DHRSX: variants seen among roughly 807,000 people sequenced by gnomAD.
The protein encoded by DHRSX is dehydrogenase/reductase X-linked.
In DHRSX, 31 loss-of-function variants were observed where a neutral mutation model predicts 34.0. The observed-to-expected ratio is 0.91, with a 90% CI of 0.69 to 1.23. The LOEUF (loss-of-function observed/expected upper bound fraction) is 1.23. Among genes scored for constraint, DHRSX ranks in the 50% most tolerant of loss-of-function variants. The pLI, the probability that DHRSX is intolerant of heterozygous loss-of-function variation, is 0.00. For missense variants in DHRSX, 414 were observed against 428.1 expected (o/e 0.97, Z 0.29); for synonymous variants, 201 against 183.8 (o/e 1.09, Z -0.76).
intron 3 of DHRSX, among the ~76,000 whole-genome samples, chrX:2,359,905 C>T (rs1256790557): frequency 1.3e-5 from 2 of 151,770 alleles, no homozygotes; most frequent in African/African-American, 2.4e-5. Flanking sequence ...AGGGGAATAG[C>T]ATTCATTGAG....
chrX:2,462,836 T>A (rs1266596292), intron 1 of DHRSX, among the ~76,000 whole-genome samples: 6 of 152,100 alleles, frequency 3.9e-5, no homozygotes, highest in African/African-American at 1.4e-4. Context: ...TATTACTGCA[T>A]TTTTTTAAAG....
Position 2,331,436 on chromosome X carries a change from GTTTTTTTTTTT to G in DHRSX, c.287-39844_287-39834del, listed in dbSNP as rs1159991841. 3.5e-4 allele frequency among the ~76,000 whole-genome samples: 33 copies of G among 94,656 alleles called. 1 individual carries two copies. The highest frequency in any genetic ancestry group is 1.1e-3 in the Admixed American group (8 of 7,098). 62.1% of individuals were successfully genotyped at this position (94,656 alleles called of 152,430 possible). On this transcript the variant is annotated intron_variant, in intron 3 of 6. Coordinates refer to ENST00000334651, the MANE Select transcript of DHRSX (RefSeq NM_145177.3). ...GGAATCCTTTCAGGAAGGTTTTTTG[GTTTTTTTTTTT>G]TTTTTTTTTTTTTTTTTGAGACGGA... is the stretch of plus-strand genomic sequence containing the variant.
At chrX:2,346,100 T>C (rs2042706673) in intron 3 of DHRSX, among the ~76,000 whole-genome samples, 1 of 152,168 alleles carries the variant, frequency 6.6e-6, no homozygotes, top group Non-Finnish European at 1.5e-5. Context: ...GAAAGCTCTT[T>C]GCCTCCTTGT....
intron 3 of DHRSX, among the ~76,000 whole-genome samples, chrX:2,304,065 G>GGATGGATGGATGGATGGA: frequency 1.7e-5 from 1 of 59,168 alleles, no homozygotes; most frequent in Non-Finnish European, 3.8e-5. Context: ...GGATGGATGG[G>GGATGGATGGATGGATGGA]TGGATGGATG....
intron 2 of DHRSX, among the ~76,000 whole-genome samples, chrX:2,418,939 C>T (rs2043734079): frequency 6.6e-6 from 1 of 152,070 alleles, no homozygotes; most frequent in African/African-American, 2.4e-5. Flanking sequence ...TGCCCTACAT[C>T]TTGTCTCTAA....
chrX:2,401,107 GCTT>G (rs891893079), intron 3 of DHRSX, among the ~76,000 whole-genome samples: 1 of 101,172 alleles, frequency 9.9e-6, no homozygotes, highest in African/African-American at 4.4e-5. Flanking sequence ...TATTTGGGAA[GCTT>G]TTTTTTTTTT....
intron 1 of DHRSX, among the ~76,000 whole-genome samples, chrX:2,466,215 G>C (rs1272829821): frequency 6.6e-6 from 1 of 151,600 alleles, no homozygotes; most frequent in Non-Finnish European, 1.5e-5. Flanking sequence ...GAGGCAGGCA[G>C]ATTACCTGAG....
chrX:2,283,490 G>C (rs189427970), intron 4 of DHRSX, among the ~76,000 whole-genome samples: 5 of 152,264 alleles, frequency 3.3e-5, no homozygotes, highest in Middle Eastern at 3.4e-3. Flanking sequence ...CCGTCTTCCC[G>C]GGAGGGAGAC....
At chrX:2,291,896 ATTTT>A (rs928376249) in intron 3 of DHRSX, among the ~76,000 whole-genome samples, 4 of 96,142 alleles carry the variant, frequency 4.2e-5, no homozygotes, top group African/African-American at 3.9e-5. Flanking sequence ...GTATTTTTGT[ATTTT>A]TTTTTTTTTT....
chrX:2,462,403 T>TA lies in DHRSX; in HGVS notation c.110-37100dup, dbSNP rs201215187. On this transcript the variant is annotated intron_variant, in intron 1 of 6. Coordinates refer to ENST00000334651, the MANE Select transcript of DHRSX (RefSeq NM_145177.3). ...AATATTTCTTGACACAACATTTATA[T>TA]AAAATTTAGTAATCCCAGCTACTCA... is the stretch of plus-strand genomic sequence containing the variant. Among the ~76,000 whole-genome samples the TA allele has an allele frequency of 3.7e-3, 566 of 152,100 alleles. 6 individuals carry two copies. Among genetic ancestry groups the TA allele is most frequent in the Admixed American group, 0.021 (327 of 15,240 alleles).
chrX:2,408,785 T>A lies in DHRSX; in HGVS notation c.246A>T (p.Gln82His), dbSNP rs750611474. ...IAGNNDSKAK[Q>H]VVSKIKEETL... ...TTTCTTCTTTTATTTTGCTTACAAC[T>A]TGTTTGGCTTTGCTGTCATTATTTC... Residue 82 changes from glutamine (Q) to histidine (H), a missense_variant, in exon 3 of 7, where the codon CAA becomes CAT. Coordinates refer to ENST00000334651, the MANE Select transcript of DHRSX (RefSeq NM_145177.3). 1 of 1,613,052 alleles carries A rather than the reference T, an allele frequency of 6.2e-7. No homozygotes were observed. The highest frequency in any genetic ancestry group is 1.3e-5 in the African/African-American group (1 of 74,812).
chrX:2,413,378 T>C (rs1452398204), intron 2 of DHRSX, among the ~76,000 whole-genome samples: 1 of 152,066 alleles, frequency 6.6e-6, no homozygotes, highest in African/African-American at 2.4e-5. Context: ...CTATAATTAG[T>C]CACAGTGACT....
rs2043222565 is a variant in DHRSX, at chrX:2,382,717, CCACCATCAT to C, written c.286+26019_286+26027del. ...ACCATCATCACCATCACCATCATCA[CCACCATCAT>C]CACCATCATCATCGCCATCATCATC... On this transcript the variant is annotated intron_variant, in intron 3 of 6. Transcript: ENST00000334651. Among the ~76,000 whole-genome samples the C allele has an allele frequency of 3.4e-4, 3 of 8,852 alleles. No homozygotes were observed. The Admixed American group carries it at 4.3e-3, about 13-fold the overall frequency. 5.8% of individuals were successfully genotyped at this position (8,852 alleles called of 152,430 possible).
intron 5 of DHRSX, among the ~76,000 whole-genome samples, chrX:2,249,399 C>A (rs1407468506): frequency 6.7e-6 from 1 of 148,796 alleles, no homozygotes; most frequent in Admixed American, 6.7e-5. Context: ...GGGGTTTCAC[C>A]GTGTTAGCCA....
intron 3 of DHRSX, among the ~76,000 whole-genome samples, chrX:2,360,558 G>A (rs758908220): frequency 6.6e-6 from 1 of 152,114 alleles, no homozygotes; most frequent in East Asian, 1.9e-4. Flanking sequence ...ACTCCAGCCT[G>A]GGCAACAGAG....
intron 6 of DHRSX, among the ~76,000 whole-genome samples, chrX:2,223,185 C>G (rs1003415032): frequency 6.6e-6 from 1 of 151,698 alleles, no homozygotes; most frequent in Admixed American, 6.6e-5. Flanking sequence ...AGGGAGGGAG[C>G]CAGTGGGAGG....
chrX:2,467,158 G>A (rs945488263), intron 1 of DHRSX, among the ~76,000 whole-genome samples: 1 of 151,864 alleles, frequency 6.6e-6, no homozygotes, highest in Non-Finnish European at 1.5e-5. Context: ...TGTTAGGGTA[G>A]TGTCTTAGGA....
intron 5 of DHRSX, among the ~76,000 whole-genome samples, chrX:2,250,625 G>A (rs2016414847): frequency 6.6e-6 from 1 of 152,006 alleles, no homozygotes; most frequent in African/African-American, 2.4e-5. Flanking sequence ...GATGACCAGA[G>A]GTCAGTCGTC....
Position 2,500,933 on chromosome X carries a change from C to T in DHRSX, c.-8G>A. ...CGCAGACAATGGCGACATGGCTGCC[C>T]CGGCCGCGCCGCCGCCGCTTCCGCG... On this transcript the variant is annotated 5_prime_UTR_variant, in exon 1 of 7. Coordinates refer to ENST00000334651, the MANE Select transcript of DHRSX (RefSeq NM_145177.3). 9.4e-7 allele frequency: 1 copy of T among 1,058,642 alleles called. No individual in the cohort carries two copies. The highest frequency in any genetic ancestry group is 1.1e-6 in the Non-Finnish European group (1 of 878,538). 65.6% of individuals were successfully genotyped at this position (1,058,642 alleles called of 1,614,324 possible). A position where few individuals can be genotyped will look rare whatever the true frequency, so the allele number is the denominator to read the frequency against.
Sources: allele counts gnomAD v4.1 joint callset (sites outside exome capture counted in the v4.1 genomes callset), GRCh38; gene constraint gnomAD v4.1.1; transcripts MANE v1.5; gene names NCBI Gene and HGNC (gene_info 2026-07-23, HGNC 2026-07-21).